Variants in MICAL3 observed in about 807,000 individuals in gnomAD.
MICAL3 encodes [F-actin]-monooxygenase MICAL3.
MICAL3 carries 62 observed loss-of-function variants against 207.4 expected under a neutral mutation model. The ratio of observed to expected loss-of-function variants is 0.30; its 90% CI spans 0.24 to 0.37. The LOEUF is 0.37. Ranked by LOEUF, MICAL3 falls within the 10% of genes least tolerant of loss-of-function variation. The pLI is 1.00. For missense variants in MICAL3, 2,368 were observed against 2,635.6 expected (o/e 0.90, Z 2.22); for synonymous variants, 1,077 against 1,069.3 (o/e 1.01, Z -0.14).
intron 1 of MICAL3, among the ~76,000 whole-genome samples, chr22:17,958,445 T>G (rs547749568): frequency 2.6e-5 from 4 of 152,338 alleles, no homozygotes; most frequent in African/African-American, 9.6e-5. Flanking sequence ...GCCTTCCTGC[T>G]AAGGTGTCTC....
chr22:17,852,571 A>G (rs1452404713), intron 19 of MICAL3, among the ~76,000 whole-genome samples: 1 of 152,220 alleles, frequency 6.6e-6, no homozygotes, highest in African/African-American at 2.4e-5. Context: ...CTGCGGGTCT[A>G]TCATCACCCA....
chr22:17,950,397 G>A (rs528693790), intron 1 of MICAL3, among the ~76,000 whole-genome samples: 5 of 132,910 alleles, frequency 3.8e-5, no homozygotes, highest in African/African-American at 1.3e-4. Context: ...AGGCTGGAGC[G>A]CAATTGATCC....
chr22:18,004,442 G>A (rs1489826475), intron 1 of MICAL3: 1 of 152,100 alleles, frequency 6.6e-6, no homozygotes, highest in Non-Finnish European at 1.5e-5. Context: ...TGTATTTTTA[G>A]TAGGGACGGG....
intron 7 of MICAL3, among the ~76,000 whole-genome samples, chr22:17,898,827 C>T (rs550244505): frequency 6.6e-6 from 1 of 152,304 alleles, no homozygotes; most frequent in East Asian, 1.9e-4. Flanking sequence ...CTGGACCTGG[C>T]TATGATGGAG....
chr22:17,825,049 G>T (rs1160753743), intron 22 of MICAL3, among the ~76,000 whole-genome samples: 1 of 152,180 alleles, frequency 6.6e-6, no homozygotes, highest in African/African-American at 2.4e-5. Flanking sequence ...GCTGGCGAGG[G>T]AACTGGAGGC....
intron 1 of MICAL3, among the ~76,000 whole-genome samples, chr22:17,960,546 A>AGT (rs1280971371): frequency 1.3e-5 from 2 of 152,070 alleles, no homozygotes; most frequent in Non-Finnish European, 2.9e-5. Context: ...CCCGCCCAGG[A>AGT]GTGTGTGTGG....
At chr22:17,937,385 C>T (rs776338989) in intron 1 of MICAL3, among the ~76,000 whole-genome samples, 14 of 152,144 alleles carry the variant, frequency 9.2e-5, no homozygotes, top group African/African-American at 2.2e-4. Flanking sequence ...AAAGATGGGC[C>T]GGGCGTGGTG....
chr22:17,914,572 C>T (rs1932357980), intron 1 of MICAL3, among the ~76,000 whole-genome samples: 2 of 152,162 alleles, frequency 1.3e-5, no homozygotes, highest in Non-Finnish European at 2.9e-5. Flanking sequence ...CCCTAACCAC[C>T]CGAGAGCAGG....
intron 21 of MICAL3, among the ~76,000 whole-genome samples, chr22:17,828,001 G>A (rs973114346): frequency 2.0e-5 from 3 of 152,120 alleles, no homozygotes; most frequent in African/African-American, 7.2e-5. Context: ...TGCTCATTCA[G>A]TGTGACCTGG....
intron 13 of MICAL3, among the ~76,000 whole-genome samples, chr22:17,888,792 AG>A (rs1930146260): frequency 6.6e-6 from 1 of 152,248 alleles, no homozygotes; most frequent in Non-Finnish European, 1.5e-5. Context: ...AAGACGGCAC[AG>A]GAACGATTTC....
intron 1 of MICAL3, among the ~76,000 whole-genome samples, chr22:17,986,563 C>T (rs1169082627): frequency 6.6e-6 from 1 of 152,004 alleles, no homozygotes; most frequent in Non-Finnish European, 1.5e-5. Flanking sequence ...TACAGGGTCC[C>T]GATCCCATCT....
At chr22:17,792,919 C>A (rs948297997) in intron 29 of MICAL3, among the ~76,000 whole-genome samples, 1 of 152,248 alleles carries the variant, frequency 6.6e-6, no homozygotes, top group Non-Finnish European at 1.5e-5. Flanking sequence ...GCTTTCGGAG[C>A]GTCTCTGCAC....
intron 20 of MICAL3, among the ~76,000 whole-genome samples, chr22:17,837,694 A>G (rs1030926448): frequency 4.6e-5 from 7 of 152,224 alleles, no homozygotes; most frequent in Non-Finnish European, 8.8e-5. Flanking sequence ...GCCTGGGCCA[A>G]GGGTCTGTGA....
intron 1 of MICAL3, among the ~76,000 whole-genome samples, chr22:17,962,914 A>T (rs912817106): frequency 2.0e-5 from 3 of 152,036 alleles, no homozygotes; most frequent in Non-Finnish European, 4.4e-5. Flanking sequence ...ATGCCCAGCT[A>T]AATTTTTTTT....
intron 19 of MICAL3, among the ~76,000 whole-genome samples, chr22:17,844,764 C>T (rs1343532310): frequency 6.6e-6 from 1 of 152,080 alleles, no homozygotes; most frequent in Non-Finnish European, 1.5e-5. Flanking sequence ...GCTCAGGGCA[C>T]AAAAAGAATA....
chr22:17,930,973 C>T (rs1274127688), intron 1 of MICAL3, among the ~76,000 whole-genome samples: 3 of 152,348 alleles, frequency 2.0e-5, no homozygotes, highest in Admixed American at 6.5e-5. Flanking sequence ...CCAGAGGCAG[C>T]GCCTCCCAAC....
Position 18,000,235 on chromosome 22 carries a change from C to G in MICAL3, c.-75+24046G>C, listed in dbSNP as rs565835849. ...CTCTCCATGCACATCCCACTAAAAA[C>G]AAGCTTAGGGGGAAAAAAAAAAAAA... On this transcript the variant is annotated intron_variant, in intron 1 of 31. Transcript: ENST00000441493. Among the ~76,000 whole-genome samples the G allele has an allele frequency of 3.2e-4, 37 of 116,378 alleles. 1 individual carries two copies. The Admixed American group carries it at 3.2e-3, about 10-fold the overall frequency. 76.3% of individuals were successfully genotyped at this position (116,378 alleles called of 152,430 possible). A position where few individuals can be genotyped will look rare whatever the true frequency, so the allele number is the denominator to read the frequency against.
intron 19 of MICAL3, among the ~76,000 whole-genome samples, chr22:17,856,872 C>T (rs60747171): frequency 2.6e-5 from 4 of 152,204 alleles, no homozygotes; most frequent in East Asian, 3.9e-4. Context: ...CCACCCGCCT[C>T]GGCCTCCCAA....
chr22:17,920,031 T>A (rs1932762777), intron 1 of MICAL3, among the ~76,000 whole-genome samples: 1 of 152,248 alleles, frequency 6.6e-6, no homozygotes, highest in African/African-American at 2.4e-5. Flanking sequence ...GCCACGAAGC[T>A]GCCACAAGCC....
Sources: gnomAD v4.1 joint callset for allele counts (sites outside exome capture counted in the v4.1 genomes callset) on GRCh38, gnomAD v4.1.1 for gene constraint, MANE v1.5 for transcripts, NCBI Gene and HGNC (gene_info 2026-07-23, HGNC 2026-07-21) for gene names.